Variants in TRPA1 observed in about 807,000 individuals in gnomAD.
The protein encoded by TRPA1 is transient receptor potential cation channel subfamily A member 1.
A neutral mutation model predicts 131.3 loss-of-function variants in TRPA1; 129 were observed. The observed-to-expected ratio is 0.98, with a 90% CI of 0.85 to 1.14. The LOEUF (loss-of-function observed/expected upper bound fraction) is 1.14, where lower values mean the gene tolerates loss of function less well. TRPA1 is among the 50% of genes most tolerant of loss of function. The pLI is 0.00. For missense variants in TRPA1, 1,304 were observed against 1,354.2 expected, an observed-to-expected ratio of 0.96 and a Z score of 0.58; for synonymous variants, 441 against 451.7, an observed-to-expected ratio of 0.98 and a Z score of 0.30.
Position 72,025,982 on chromosome 8 carries a change from G to T in TRPA1, c.3029C>A (p.Pro1010His). The change falls in exon 25 of 27, where the codon CCC (proline) becomes CAC (histidine). Residue 1010 changes from proline to histidine, a missense_variant. By Grantham distance (77) the Pro-to-His change is moderately conservative (BLOSUM62 -2). Coordinates refer to ENST00000262209, the MANE Select transcript of TRPA1 (RefSeq NM_007332.3). Reference protein sequence around the residue: ...QKSTIVYPNKPRSGGMLFHIF... With the variant: ...QKSTIVYPNKHRSGGMLFHIF... ...TACGAATAACATCCCACCAGATCTG[G>T]GTTTGTTGGGATACACGATGGTGGA... is the stretch of plus-strand genomic sequence containing the variant. 1.2e-6 allele frequency: 2 copies of T among 1,613,856 alleles called. No individual in the cohort carries two copies. Among genetic ancestry groups the T allele is most frequent in the Non-Finnish European group, 1.7e-6 (2 of 1,179,854 alleles).
chr8:72,064,209 T>C (rs938439720), intron 4 of TRPA1, among the ~76,000 whole-genome samples: 2 of 151,188 alleles, frequency 1.3e-5, no homozygotes, highest in Non-Finnish European at 2.9e-5. Flanking sequence ...ATCTCAGCTT[T>C]TAGAGGTAGT....
chr8:72,046,932 C>T (rs1371504319), intron 16 of TRPA1, among the ~76,000 whole-genome samples: 2 of 151,774 alleles, frequency 1.3e-5, no homozygotes, highest in Admixed American at 1.3e-4. Flanking sequence ...AGACTAGAAA[C>T]AACACTAAAT....
At chr8:72,050,520 C>T (rs1180311263) in intron 15 of TRPA1, among the ~76,000 whole-genome samples, 1 of 152,098 alleles carries the variant, frequency 6.6e-6, no homozygotes, top group African/African-American at 2.4e-5. Flanking sequence ...CAACAAACAC[C>T]AGTTTGTAGT....
intron 23 of TRPA1, 97 bp downstream of exon 23, chr8:72,033,547 T>C: frequency 9.5e-6 from 11 of 1,161,658 alleles, no homozygotes; most frequent in Non-Finnish European, 1.4e-5. Flanking sequence ...CTTCCTGATC[T>C]CCCCAGTGGA....
rs6996413 is a variant in TRPA1, at chr8:72,021,286, A to G, written c.*1620T>C. 29,085 of 152,126 alleles carry G rather than the reference A, an allele frequency of 0.19. 3,888 individuals carry two copies. The highest frequency in any genetic ancestry group is 0.37 in the African/African-American group (15,454 of 41,456). The allele number at this position is 152,126 out of a possible 1,614,324, so 9.4% of individuals were successfully genotyped here. On this transcript the variant is annotated 3_prime_UTR_variant, in exon 27 of 27. Coordinates refer to ENST00000262209, the MANE Select transcript of TRPA1 (RefSeq NM_007332.3). ...TCTGTTTATTTAAATATTTCGCATG[A>G]CAGGCATGGTACAGTGTTTCTCACA...
At position 72,063,584 on chromosome 8, in the gene TRPA1, A is replaced by C; in HGVS notation, c.553-13T>G. The C allele has an allele frequency of 6.3e-7, 1 of 1,595,638 alleles. No homozygotes were observed. The highest frequency in any genetic ancestry group is 1.3e-5 in the African/African-American group (1 of 74,494). ...CTCCTTTTTTAAGCTGGAAGAAAAGACAAAATGAAAAATGACACCAGTTAA... is the reference window on the plus strand; with the variant it reads ...CTCCTTTTTTAAGCTGGAAGAAAAGCCAAAATGAAAAATGACACCAGTTAA... On this transcript the variant is annotated splice_polypyrimidine_tract_variant and intron_variant, in intron 4 of 26. Transcript: ENST00000262209.
At position 72,069,174 on chromosome 8, in the gene TRPA1, C is replaced by T. The variant is rs1396172412; in HGVS notation, c.293G>A (p.Gly98Glu). ...TACAGCACAATGCAGAGGGGTATTT[C>T]CATAATCATCCATTTCATGCAGCAC... The part of the protein sequence containing the change: ...LEVLHEMDDY[G>E]NTPLHCAVEK... The change falls in exon 3 of 27, where the codon GGA (glycine) becomes GAA (glutamate). Residue 98 changes from glycine to glutamate, a missense_variant. Gly to Glu is a moderately conservative substitution (Grantham distance 98, BLOSUM62 -2). Coordinates refer to ENST00000262209, the MANE Select transcript of TRPA1 (RefSeq NM_007332.3). 6.2e-7 allele frequency: 1 copy of T among 1,614,156 alleles called. No homozygotes were observed. Among genetic ancestry groups the T allele is most frequent in the Admixed American group, 1.7e-5 (1 of 60,028 alleles).
the TRPA1 span, among the ~76,000 whole-genome samples, chr8:72,083,045 C>G: frequency 1.3e-5 from 2 of 151,986 alleles, no homozygotes; most frequent in East Asian, 3.9e-4. Flanking sequence ...TTTACTATTT[C>G]TTCATTGTTT....
intron 24 of TRPA1, among the ~76,000 whole-genome samples, chr8:72,028,210 C>A (rs186431338): frequency 4.4e-4 from 67 of 152,322 alleles, no homozygotes; most frequent in African/African-American, 1.6e-3. Flanking sequence ...ATTTTCATTG[C>A]AGAAGGGCTG....
At position 72,052,447 on chromosome 8, in the gene TRPA1, TAAAA is replaced by T. The variant is rs1272561183; in HGVS notation, c.1811+148_1811+151del. 5 of 880,310 alleles carry T rather than the reference TAAAA, an allele frequency of 5.7e-6. No homozygotes were observed. The East Asian group carries it at 1.2e-4, about 21-fold the overall frequency. The allele number at this position is 880,310 out of a possible 1,614,324, so 54.5% of individuals were successfully genotyped here. A position where few individuals can be genotyped will look rare whatever the true frequency, so the allele number is the denominator to read the frequency against. On this transcript the variant is annotated intron_variant, in intron 14 of 26. Coordinates refer to ENST00000262209, the MANE Select transcript of TRPA1 (RefSeq NM_007332.3). ...AAAATAAATAAATAAAAATAAAAAATAAAAAACCTTTAAAAAATTGATGTAAACA... is the reference window on the plus strand; with the variant it reads ...AAAATAAATAAATAAAAATAAAAAATAACCTTTAAAAAATTGATGTAAACA...
At chr8:72,049,311 C>T (rs562370685) in intron 15 of TRPA1, among the ~76,000 whole-genome samples, 16 of 152,228 alleles carry the variant, frequency 1.1e-4, no homozygotes, top group South Asian at 4.1e-4. Context: ...GTATTAGCAT[C>T]ATTATTTTAG....
chr8:72,037,973 T>C lies in TRPA1; in HGVS notation c.2385+10A>G. On this transcript the variant is annotated intron_variant, in intron 20 of 26. Transcript: ENST00000262209. ...TGTGCAACTTTAGAGATACAAAATG[T>C]ATTACATACCTGTTGGAAAATTTGC... is the stretch of plus-strand genomic sequence containing the variant. 1 of 1,522,004 alleles carries C rather than the reference T, an allele frequency of 6.6e-7. No individual in the cohort carries two copies. The highest frequency in any genetic ancestry group is 9.1e-7 in the Non-Finnish European group (1 of 1,097,872). The allele number at this position is 1,522,004 out of a possible 1,614,324, so 94.3% of individuals were successfully genotyped here.
intron 6 of TRPA1, chr8:72,062,153 C>A (rs1319661122): frequency 1.8e-5 from 4 of 223,410 alleles, no homozygotes; most frequent in Non-Finnish European, 3.6e-5. Context: ...ATTGAAGGGA[C>A]AATATAGAAA....
At chr8:72,064,521 C>T (rs1396207002) in intron 4 of TRPA1, among the ~76,000 whole-genome samples, 3 of 151,800 alleles carry the variant, frequency 2.0e-5, no homozygotes, top group Non-Finnish European at 4.4e-5. Context: ...TGTTAGTTAA[C>T]TTATTTTTAT....
At chr8:72,046,260 AAGATAT>A (rs1432467314) in intron 17 of TRPA1, among the ~76,000 whole-genome samples, 1 of 152,018 alleles carries the variant, frequency 6.6e-6, no homozygotes, top group African/African-American at 2.4e-5. Context: ...AGTCACATGG[AAGATAT>A]AGACATAGAA....
intron 1 of TRPA1, among the ~76,000 whole-genome samples, chr8:72,073,525 C>T (rs73294655): frequency 1.2e-3 from 185 of 152,190 alleles, no homozygotes; most frequent in African/African-American, 3.9e-3. Context: ...GTCATGGGTT[C>T]AACAAGAGAT....
At chr8:72,070,502 T>C (rs1806036083) in intron 2 of TRPA1, among the ~76,000 whole-genome samples, 2 of 152,200 alleles carry the variant, frequency 1.3e-5, no homozygotes, top group Non-Finnish European at 2.9e-5. Flanking sequence ...TCCTCATCCC[T>C]TTTCAGAAAT....
intron 9 of TRPA1, among the ~76,000 whole-genome samples, 188 bp downstream of exon 9, chr8:72,057,529 T>C (rs1387356236): frequency 6.6e-6 from 1 of 152,250 alleles, no homozygotes; most frequent in African/African-American, 2.4e-5. Context: ...GTATGCTCCC[T>C]TACTGGACAG....
upstream of TRPA1, chr8:72,075,678 CG>C: frequency 2.0e-6 from 1 of 499,378 alleles, no homozygotes; most frequent in Non-Finnish European, 3.7e-6. Context: ...GCAAAGAGGG[CG>C]GCGGCGCCGC....
Sources: allele counts gnomAD v4.1 joint callset (sites outside exome capture counted in the v4.1 genomes callset), GRCh38; gene constraint gnomAD v4.1.1; transcripts MANE v1.5; gene names NCBI Gene and HGNC (gene_info 2026-07-23, HGNC 2026-07-21).